EYA4: variants seen among roughly 807,000 people sequenced by gnomAD.
EYA4 encodes EYA transcriptional coactivator and phosphatase 4.
A neutral mutation model predicts 87.9 loss-of-function variants in EYA4; 31 were observed. The ratio of observed to expected loss-of-function variants is 0.35; its 90% CI spans 0.27 to 0.48. EYA4 has a LOEUF of 0.48. Among genes scored for constraint, EYA4 ranks in the 20% least tolerant of loss-of-function variants. EYA4 has a pLI of 0.99. For missense variants in EYA4, 678 were observed against 761.4 expected (o/e 0.89, Z 1.29); for synonymous variants, 263 against 270.6 (o/e 0.97, Z 0.28).
At chr6:133,398,888 C>G (rs975724615) in intron 3 of EYA4, among the ~76,000 whole-genome samples, 1 of 152,136 alleles carries the variant, frequency 6.6e-6, no homozygotes, top group Admixed American at 6.5e-5. Context: ...AGAAGAGAAA[C>G]AGGATACATC....
chr6:133,385,431 G>A (rs1340468989), intron 3 of EYA4, among the ~76,000 whole-genome samples: 1 of 148,610 alleles, frequency 6.7e-6, no homozygotes, highest in Non-Finnish European at 1.5e-5. Context: ...GTGTGTGTGT[G>A]TGTGTGTGTG....
At chr6:133,371,329 G>T (rs1228323167) in intron 2 of EYA4, among the ~76,000 whole-genome samples, 1 of 152,020 alleles carries the variant, frequency 6.6e-6, no homozygotes, top group East Asian at 1.9e-4. Flanking sequence ...TGGTTTACGG[G>T]GTCTACTGAG....
intron 13 of EYA4, among the ~76,000 whole-genome samples, chr6:133,489,595 A>G (rs1796966595): frequency 6.6e-6 from 1 of 152,148 alleles, no homozygotes; most frequent in Non-Finnish European, 1.5e-5. Flanking sequence ...AGGGAGTGGC[A>G]TGACATTTTT....
chr6:133,338,809 A>G (rs1013577056), intron 2 of EYA4, among the ~76,000 whole-genome samples: 1 of 151,738 alleles, frequency 6.6e-6, no homozygotes, highest in Non-Finnish European at 1.5e-5. Flanking sequence ...ATGGATGCAC[A>G]TACACATAAT....
intron 3 of EYA4, among the ~76,000 whole-genome samples, chr6:133,405,649 C>G (rs990620938): frequency 1.3e-5 from 2 of 152,076 alleles, no homozygotes; most frequent in Non-Finnish European, 2.9e-5. Context: ...AAGTATAAAA[C>G]AGACAAAAGT....
chr6:133,329,554 C>G (rs964560343), intron 2 of EYA4, among the ~76,000 whole-genome samples: 1 of 152,014 alleles, frequency 6.6e-6, no homozygotes, highest in African/African-American at 2.4e-5. Flanking sequence ...ACAAAAATCT[C>G]AGAAATAGTC....
chr6:133,474,583 C>G (rs1334759808), intron 11 of EYA4, among the ~76,000 whole-genome samples: 1 of 152,042 alleles, frequency 6.6e-6, no homozygotes, highest in African/African-American at 2.4e-5. Flanking sequence ...GGAATTAATT[C>G]TACTTATAAC....
intron 2 of EYA4, among the ~76,000 whole-genome samples, chr6:133,302,550 A>G (rs1305986779): frequency 6.6e-6 from 1 of 152,184 alleles, no homozygotes; most frequent in Non-Finnish European, 1.5e-5. Flanking sequence ...AATCCGTTAT[A>G]CTTGTGTTTT....
chr6:133,324,033 G>A (rs1256752299), intron 2 of EYA4, among the ~76,000 whole-genome samples: 2 of 152,176 alleles, frequency 1.3e-5, no homozygotes, highest in Admixed American at 6.5e-5. Context: ...GAAGAAGTTT[G>A]AGTATTATTG....
chr6:133,489,233 C>T (rs921331549), intron 13 of EYA4, among the ~76,000 whole-genome samples: 3 of 151,604 alleles, frequency 2.0e-5, no homozygotes, highest in Admixed American at 6.6e-5. Flanking sequence ...AGAATAAAAA[C>T]GAATGAAGCG....
At chr6:133,391,222 G>GTTTTTT (rs531819011) in intron 3 of EYA4, among the ~76,000 whole-genome samples, 1 of 89,826 alleles carries the variant, frequency 1.1e-5, no homozygotes, top group African/African-American at 3.3e-5. Context: ...TTTTGTTTTT[G>GTTTTTT]TTTTTTTTTT....
chr6:133,294,062 T>TAA (rs1554219392), intron 2 of EYA4, among the ~76,000 whole-genome samples: 46 of 105,158 alleles, frequency 4.4e-4, no homozygotes, highest in African/African-American at 1.4e-3. Context: ...TATATATATA[T>TAA]AATTCTATTC....
intron 1 of EYA4, among the ~76,000 whole-genome samples, chr6:133,245,907 G>T (rs1317820969): frequency 6.6e-6 from 1 of 152,116 alleles, no homozygotes; most frequent in African/African-American, 2.4e-5. Context: ...TTGGTGATAT[G>T]TCATTTTACG....
chr6:133,428,801 C>T (rs1790902439), intron 3 of EYA4, among the ~76,000 whole-genome samples: 1 of 151,730 alleles, frequency 6.6e-6, no homozygotes, highest in Non-Finnish European at 1.5e-5. Context: ...GCAAAGTGCT[C>T]CTTCTGTCCC....
At chr6:133,446,263 A>C (rs1251299761) in intron 3 of EYA4, among the ~76,000 whole-genome samples, 1 of 152,038 alleles carries the variant, frequency 6.6e-6, no homozygotes, top group Non-Finnish European at 1.5e-5. Context: ...ATTTTTTCTT[A>C]CAGTATTATA....
intron 13 of EYA4, 37 bp from the exon 14 acceptor site, chr6:133,506,069 G>A (rs762878054): frequency 8.0e-7 from 1 of 1,245,758 alleles, no homozygotes; most frequent in East Asian, 2.3e-5. Flanking sequence ...AGCGCTTACT[G>A]AAATTTTACC....
intron 19 of EYA4, among the ~76,000 whole-genome samples, chr6:133,527,086 CAGAT>C (rs1800699242): frequency 6.6e-6 from 1 of 152,196 alleles, no homozygotes; most frequent in South Asian, 2.1e-4. Context: ...AAAACAATCT[CAGAT>C]AGAATGCTAT....
intron 3 of EYA4, among the ~76,000 whole-genome samples, chr6:133,422,713 G>T (rs1202290645): frequency 1.3e-5 from 2 of 152,144 alleles, no homozygotes; most frequent in Non-Finnish European, 2.9e-5. Flanking sequence ...ATAACATTTT[G>T]TAAAAATATT....
intron 1 of EYA4, among the ~76,000 whole-genome samples, chr6:133,261,855 TTTTTG>T (rs1366201775): frequency 6.6e-6 from 1 of 152,212 alleles, no homozygotes; most frequent in African/African-American, 2.4e-5. Flanking sequence ...TGAAATATAT[TTTTTG>T]TTTAATCATA....
Sources: gnomAD v4.1 joint callset for allele counts (sites outside exome capture counted in the v4.1 genomes callset) on GRCh38, gnomAD v4.1.1 for gene constraint, MANE v1.5 for transcripts, NCBI Gene and HGNC (gene_info 2026-07-23, HGNC 2026-07-21) for gene names.